WWOX: variants seen among roughly 807,000 people sequenced by gnomAD.
The protein encoded by WWOX is WW domain-containing oxidoreductase.
WWOX carries 69 observed loss-of-function variants against 46.2 expected under a neutral mutation model. The observed-to-expected ratio is 1.49, with a 90% CI of 1.23 to 1.82. The LOEUF (loss-of-function observed/expected upper bound fraction) is 1.82, where lower values mean the gene tolerates loss of function less well. Among genes scored for constraint, WWOX ranks in the 40% most tolerant of loss-of-function variants. The probability of loss-of-function intolerance (pLI) is 0.00; values close to 1 mark genes in which losing one functional copy is unlikely to be tolerated. For missense variants in WWOX, 919 were observed against 542.6 expected (o/e 1.69, Z -6.89); for synonymous variants, 359 against 202.6 (o/e 1.77, Z -6.56).
At chr16:78,972,046 A>C (rs968492420) in intron 8 of WWOX, among the ~76,000 whole-genome samples, 3 of 152,104 alleles carry the variant, frequency 2.0e-5, no homozygotes, top group Non-Finnish European at 1.5e-5. Context: ...TCACTTTAGA[A>C]GACCCTGATC....
chr16:78,591,684 T>G (rs1206407436), intron 8 of WWOX, among the ~76,000 whole-genome samples: 2 of 152,222 alleles, frequency 1.3e-5, no homozygotes, highest in Non-Finnish European at 2.9e-5. Flanking sequence ...AGTTTGTGTT[T>G]CCTGTTACAG....
chr16:78,358,814 CTGA>C (rs2081349877), intron 5 of WWOX, among the ~76,000 whole-genome samples: 1 of 147,440 alleles, frequency 6.8e-6, no homozygotes, highest in Non-Finnish European at 1.5e-5. Context: ...GTAGCTCTTT[CTGA>C]CTTTTTAAAA....
At chr16:78,140,934 T>G (rs1334813579) in intron 4 of WWOX, among the ~76,000 whole-genome samples, 1 of 152,226 alleles carries the variant, frequency 6.6e-6, no homozygotes, top group East Asian at 1.9e-4. Context: ...AAATAGGTAT[T>G]TCCTGAGGGT....
intron 8 of WWOX, among the ~76,000 whole-genome samples, chr16:78,501,328 G>T (rs1010884704): frequency 2.0e-5 from 3 of 151,162 alleles, no homozygotes; most frequent in Non-Finnish European, 4.4e-5. Context: ...CATTCTTTAT[G>T]AAAATCTTCA....
At chr16:78,334,429 G>A (rs2080831670) in intron 5 of WWOX, among the ~76,000 whole-genome samples, 1 of 152,146 alleles carries the variant, frequency 6.6e-6, no homozygotes, top group African/African-American at 2.4e-5. Context: ...ACTTTACTCT[G>A]AGCTATGAGT....
rs143893794 is a variant in WWOX, at chr16:78,578,551, G to C, written c.1056+145799G>C. Among the ~76,000 whole-genome samples the C allele has an allele frequency of 6.4e-3, 978 of 151,868 alleles. 9 individuals are homozygous for C. Among genetic ancestry groups the C allele is most frequent in the African/African-American group, 0.022 (918 of 41,384 alleles). On this transcript the variant is annotated intron_variant, in intron 8 of 8. Transcript: ENST00000566780. Reference sequence around the variant, plus strand: ...GATTCACCTGCCTTGGCCTCCCAAAGTGCTGGGATTACAGGCGTGAGCCAC... The same window carrying C: ...GATTCACCTGCCTTGGCCTCCCAAACTGCTGGGATTACAGGCGTGAGCCAC...
chr16:78,992,458 C>T (rs980857814), intron 8 of WWOX, among the ~76,000 whole-genome samples: 1 of 152,118 alleles, frequency 6.6e-6, no homozygotes, highest in African/African-American at 2.4e-5. Context: ...AAGAGTGACA[C>T]TCTATCTCAA....
intron 8 of WWOX, among the ~76,000 whole-genome samples, chr16:78,793,748 A>G (rs1292800304): frequency 6.6e-6 from 1 of 152,146 alleles, no homozygotes; most frequent in Non-Finnish European, 1.5e-5. Flanking sequence ...AACATTGCCT[A>G]GAAGGGTTTG....
At chr16:78,825,440 G>A (rs2051625272) in intron 8 of WWOX, 3 of 361,898 alleles carry the variant, frequency 8.3e-6, no homozygotes, top group South Asian at 7.5e-5. Flanking sequence ...TTAGCCAACA[G>A]AACAAAAAAT....
chr16:78,564,224 C>T (rs1479257269), intron 8 of WWOX, among the ~76,000 whole-genome samples: 2 of 152,208 alleles, frequency 1.3e-5, no homozygotes, highest in Non-Finnish European at 2.9e-5. Context: ...TGTGATGGTT[C>T]ATTGCACAGC....
intron 5 of WWOX, among the ~76,000 whole-genome samples, chr16:78,294,703 T>C (rs1348468531): frequency 8.4e-6 from 1 of 119,704 alleles, no homozygotes; most frequent in Non-Finnish European, 1.9e-5. Context: ...TATAGCCTTA[T>C]GTTCCCAGCA....
intron 6 of WWOX, among the ~76,000 whole-genome samples, chr16:78,397,052 C>G (rs1350941354): frequency 6.6e-6 from 1 of 152,036 alleles, no homozygotes; most frequent in Non-Finnish European, 1.5e-5. Context: ...TAGGTCTGGT[C>G]AAGGTAAATA....
At chr16:78,687,730 T>C (rs1297462844) in intron 8 of WWOX, among the ~76,000 whole-genome samples, 1 of 152,248 alleles carries the variant, frequency 6.6e-6, no homozygotes, top group Non-Finnish European at 1.5e-5. Context: ...TTAGGCATTA[T>C]GTTATTCTAA....
At chr16:78,644,987 T>G (rs1404329851) in intron 8 of WWOX, among the ~76,000 whole-genome samples, 1 of 152,206 alleles carries the variant, frequency 6.6e-6, no homozygotes, top group Admixed American at 6.5e-5. Flanking sequence ...GGTTCTACTC[T>G]TCAATGAGTT....
intron 8 of WWOX, among the ~76,000 whole-genome samples, chr16:78,695,236 T>C (rs896944930): frequency 6.6e-6 from 1 of 152,140 alleles, no homozygotes; most frequent in African/African-American, 2.4e-5. Context: ...CTATTATTAT[T>C]ATTATTATTG....
intron 5 of WWOX, among the ~76,000 whole-genome samples, chr16:78,235,443 A>G (rs1055659959): frequency 2.0e-5 from 3 of 152,136 alleles, no homozygotes; most frequent in African/African-American, 7.2e-5. Context: ...AAAGGAGGTT[A>G]AAGAAAGGGA....
intron 6 of WWOX, among the ~76,000 whole-genome samples, chr16:78,394,621 T>G (rs2082246200): frequency 6.6e-6 from 1 of 152,190 alleles, no homozygotes; most frequent in Non-Finnish European, 1.5e-5. Flanking sequence ...GTAGGTAAAC[T>G]TCTTGTAAGG....
intron 8 of WWOX, among the ~76,000 whole-genome samples, chr16:78,780,891 T>A (rs2050308453): frequency 6.6e-6 from 1 of 152,154 alleles, no homozygotes; most frequent in African/African-American, 2.4e-5. Context: ...TTTTTAAAGA[T>A]CTGTCTGGCT....
intron 8 of WWOX, among the ~76,000 whole-genome samples, chr16:79,138,211 CA>C (rs2050020440): frequency 6.6e-6 from 1 of 152,074 alleles, no homozygotes; most frequent in African/African-American, 2.4e-5. Context: ...GAAATTGTTT[CA>C]GGGAGTCATT....
Sources: gnomAD v4.1 joint callset for allele counts (sites outside exome capture counted in the v4.1 genomes callset) on GRCh38, gnomAD v4.1.1 for gene constraint, MANE v1.5 for transcripts, NCBI Gene and HGNC (gene_info 2026-07-23, HGNC 2026-07-21) for gene names.